NDE1: variants seen among roughly 807,000 people sequenced by gnomAD.
NDE1 encodes the protein nudE neurodevelopment protein 1, also known as nuclear distribution protein nudE homolog 1.
NDE1 carries 28 observed loss-of-function variants against 43.4 expected under a neutral mutation model. That is an observed-to-expected ratio of 0.65 (90% CI 0.48 to 0.89). The LOEUF is 0.89. Ranked by LOEUF, NDE1 falls within the 40% of genes least tolerant of loss-of-function variation. NDE1 has a pLI of 0.00. For missense variants in NDE1, 441 were observed against 434.1 expected, an observed-to-expected ratio of 1.02 and a Z score of -0.14; for synonymous variants, 184 against 172.0, an observed-to-expected ratio of 1.07 and a Z score of -0.55.
At position 15,719,342 on chromosome 16, in the gene NDE1, G is replaced by A. The variant is rs767662531; in HGVS notation, c.948-4849G>A. 8 of 1,602,726 alleles carry A rather than the reference G, an allele frequency of 5.0e-6. No individual in the cohort carries two copies. In the African/African-American group the frequency reaches 9.4e-5, roughly 19 times the overall value. ...GAGGGAGGAAGGCTGTTGTCTGCCAGGGAAAGGCCAAGCCCCACCAAGAGT... is the reference window on the plus strand; with the variant it reads ...GAGGGAGGAAGGCTGTTGTCTGCCAAGGAAAGGCCAAGCCCCACCAAGAGT... On this transcript the variant is annotated intron_variant, in intron 8 of 8. Transcript: ENST00000396354.
Position 15,715,646 on chromosome 16 carries a change from G to C in NDE1, c.948-8545G>C, listed in dbSNP as rs577472769. Among the ~76,000 whole-genome samples the C allele has an allele frequency of 3.2e-4, 49 of 152,156 alleles. 1 individual carries two copies. In the South Asian group the frequency reaches 7.5e-3, roughly 23 times the overall value. On this transcript the variant is annotated intron_variant, in intron 8 of 8. Transcript: ENST00000396354. ...TTTCTATTTTTTTTGCGGGGAGGAG[G>C]CAAGGTCTTGCTGTGTGACCCAGGT...
At chr16:15,663,962 G>A (rs914485363) in intron 1 of NDE1, among the ~76,000 whole-genome samples, 9 of 152,052 alleles carry the variant, frequency 5.9e-5, no homozygotes, top group African/African-American at 2.2e-4. Context: ...GCAGTTGCTC[G>A]GGAGGCTGAG....
At chr16:15,718,743 C>T in intron 8 of NDE1, 1 of 498,492 alleles carries the variant, frequency 2.0e-6, no homozygotes, top group Non-Finnish European at 3.6e-6. Flanking sequence ...CAGCCACACC[C>T]CCAAACAGGC....
intron 3 of NDE1, among the ~76,000 whole-genome samples, chr16:15,674,304 C>T (rs1180848017): frequency 6.6e-6 from 1 of 152,054 alleles, no homozygotes; most frequent in Admixed American, 6.6e-5. Flanking sequence ...AGAACAGTGG[C>T]ACAATCTCTG....
intron 1 of NDE1, among the ~76,000 whole-genome samples, chr16:15,652,636 A>C (rs1023967016): frequency 3.9e-5 from 6 of 152,148 alleles, no homozygotes; most frequent in Non-Finnish European, 5.9e-5. Context: ...ATCCTGGAAC[A>C]ATAGCTATTT....
chr16:15,695,572 A>T, intron 7 of NDE1: 1 of 984,446 alleles, frequency 1.0e-6, no homozygotes, highest in Non-Finnish European at 1.2e-6. Context: ...AATTACAGGG[A>T]GGGATCCTTT....
chr16:15,669,788 C>G (rs543880935), intron 3 of NDE1, among the ~76,000 whole-genome samples: 2 of 152,222 alleles, frequency 1.3e-5, no homozygotes, highest in South Asian at 4.1e-4. Context: ...AGTCACCCCG[C>G]CTGACCACAC....
intron 2 of NDE1, among the ~76,000 whole-genome samples, chr16:15,666,545 G>A (rs1209435440): frequency 6.6e-6 from 1 of 152,136 alleles, no homozygotes; most frequent in Non-Finnish European, 1.5e-5. Flanking sequence ...GGAGGTCGAG[G>A]CTGCAGTGAC....
At chr16:15,688,656 C>G (rs1404490735) in intron 5 of NDE1, among the ~76,000 whole-genome samples, 1 of 113,372 alleles carries the variant, frequency 8.8e-6, no homozygotes, top group African/African-American at 3.4e-5. Context: ...AAAAAAAAGA[C>G]ATTCATTAGT....
At chr16:15,700,816 TCA>T (rs1462555845) in intron 8 of NDE1, among the ~76,000 whole-genome samples, 2 of 152,114 alleles carry the variant, frequency 1.3e-5, no homozygotes, top group Non-Finnish European at 2.9e-5. Context: ...GGAGCTTCTC[TCA>T]GAGGCTCTTC....
intron 4 of NDE1, chr16:15,687,051 A>T: frequency 3.3e-6 from 4 of 1,209,250 alleles, no homozygotes; most frequent in Non-Finnish European, 4.2e-6. Context: ...GAGAAGATGG[A>T]GCATAGTGGT....
intron 4 of NDE1, chr16:15,683,156 G>A (rs1454121525): frequency 6.6e-6 from 1 of 151,920 alleles, no homozygotes; most frequent in Non-Finnish European, 1.5e-5. Flanking sequence ...CAATTCCATG[G>A]ACTTTTAAAG....
chr16:15,700,415 A>C (rs925155726), intron 8 of NDE1: 1 of 149,896 alleles, frequency 6.7e-6, no homozygotes, highest in African/African-American at 2.5e-5. Context: ...GTGTTGCACT[A>C]ACCCAAGCGG....
At chr16:15,694,368 CAG>C in intron 7 of NDE1, 112 bp downstream of exon 7, 1 of 1,541,266 alleles carries the variant, frequency 6.5e-7, no homozygotes, top group Non-Finnish European at 8.7e-7. Flanking sequence ...TTTTTAGAGA[CAG>C]GGTCTTGCTC....
chr16:15,717,124 C>A (rs1409952877), intron 8 of NDE1: 1 of 1,613,904 alleles, frequency 6.2e-7, no homozygotes, highest in African/African-American at 1.3e-5. Context: ...GGGTTCGGAA[C>A]TCCACACCCG....
intron 8 of NDE1, chr16:15,718,535 A>G (rs1447652325): frequency 2.0e-6 from 3 of 1,467,522 alleles, no homozygotes; most frequent in African/African-American, 2.8e-5. Context: ...TGCCCTCATC[A>G]TCTAATGGGT....
intron 1 of NDE1, among the ~76,000 whole-genome samples, chr16:15,661,156 G>GT (rs56830963): frequency 0.028 from 3,744 of 132,184 alleles, 178 homozygotes; most frequent in African/African-American, 0.097. Flanking sequence ...AGTTTTACTT[G>GT]TTTTTTTTTT....
rs2040361516 is a variant in NDE1, at chr16:15,719,657, C to G, written c.948-4534C>G. 3 of 1,614,214 alleles carry G rather than the reference C, an allele frequency of 1.9e-6. No homozygotes were observed. The highest frequency in any genetic ancestry group is 2.2e-5 in the South Asian group (2 of 91,090). Reference sequence around the variant, plus strand: ...CATTCTCTTTGGCTGTGGCAAAGATCTCATCTCTGGAGGCACGGGCATCTT... The same window carrying G: ...CATTCTCTTTGGCTGTGGCAAAGATGTCATCTCTGGAGGCACGGGCATCTT... On this transcript the variant is annotated intron_variant, in intron 8 of 8. Coordinates refer to ENST00000396354, the MANE Select transcript of NDE1 (RefSeq NM_017668.3).
chr16:15,670,822 G>A (rs544928986), intron 3 of NDE1, among the ~76,000 whole-genome samples: 3 of 152,174 alleles, frequency 2.0e-5, no homozygotes, highest in Non-Finnish European at 2.9e-5. Context: ...AATGGGTGTC[G>A]GGTGGACCTT....
Sources: allele counts gnomAD v4.1 joint callset (sites outside exome capture counted in the v4.1 genomes callset), GRCh38; gene constraint gnomAD v4.1.1; transcripts MANE v1.5; gene names NCBI Gene and HGNC (gene_info 2026-07-23, HGNC 2026-07-21).